Variants in SPATS2L observed in about 807,000 individuals in gnomAD.
SPATS2L encodes the protein SPATS2-like protein.
Under a neutral mutation model 59.6 loss-of-function variants are expected in SPATS2L, and 30 were observed. The observed-to-expected ratio is 0.50, with a 90% CI of 0.38 to 0.68. The LOEUF (loss-of-function observed/expected upper bound fraction) is 0.68, where lower values mean the gene tolerates loss of function less well. Among genes scored for constraint, SPATS2L ranks in the 30% least tolerant of loss-of-function variants. The pLI, the probability that SPATS2L is intolerant of heterozygous loss-of-function variation, is 0.00. For synonymous variants in SPATS2L, 252 were observed against 263.5 expected, an observed-to-expected ratio of 0.96 and a Z score of 0.42; for missense variants, 615 against 700.0, an observed-to-expected ratio of 0.88 and a Z score of 1.37.
chr2:200,417,075 G>A (rs927884668), intron 5 of SPATS2L, among the ~76,000 whole-genome samples: 1 of 152,224 alleles, frequency 6.6e-6, no homozygotes, highest in African/African-American at 2.4e-5. Flanking sequence ...AGATGCGTCT[G>A]TGCATACACA....
At chr2:200,475,435 T>C (rs1333676601) in intron 12 of SPATS2L, among the ~76,000 whole-genome samples, 3 of 152,220 alleles carry the variant, frequency 2.0e-5, no homozygotes, top group Non-Finnish European at 4.4e-5. Context: ...AAGGTGGGAC[T>C]ACTGGAGGCA....
In SPATS2L at chr2:200,457,264, G is replaced by C. The variant is rs1336843272; in HGVS notation, c.789-2505G>C. Among the ~76,000 whole-genome samples the C allele has an allele frequency of 4.6e-5, 7 of 150,650 alleles. No homozygotes were observed. The East Asian group carries it at 1.4e-3, about 30-fold the overall frequency. Reference sequence around the variant, plus strand: ...CACACACACACACACACACACAGATGCCTCTGTCATGGCTATGTTTGTGAA... The same window carrying C: ...CACACACACACACACACACACAGATCCCTCTGTCATGGCTATGTTTGTGAA... On this transcript the variant is annotated intron_variant, in intron 8 of 12. Coordinates refer to ENST00000409140, the MANE Select transcript of SPATS2L (RefSeq NM_001100423.2).
intron 3 of SPATS2L, among the ~76,000 whole-genome samples, chr2:200,406,180 G>A (rs1203768461): frequency 6.6e-6 from 1 of 152,120 alleles, no homozygotes; most frequent in Non-Finnish European, 1.5e-5. Context: ...AATAATGGTG[G>A]CAATGTCAAT....
In SPATS2L at chr2:200,481,165, A is replaced by G. The variant is rs1449278115; in HGVS notation, c.*3134A>G. 1 of 152,246 alleles carries G rather than the reference A, an allele frequency of 6.6e-6. No homozygotes were observed. The highest frequency in any genetic ancestry group is 2.4e-5 in the African/African-American group (1 of 41,454). 9.4% of individuals were successfully genotyped at this position (152,246 alleles called of 1,614,324 possible). ...CAGAAAGTTAAACGCAAATTGCTGC[A>G]AAATTCACCCTCAGTGGAGGACTAG... On this transcript the variant is annotated 3_prime_UTR_variant, in exon 13 of 13. Coordinates refer to ENST00000409140, the MANE Select transcript of SPATS2L (RefSeq NM_001100423.2).
At chr2:200,326,066 A>G (rs2079728775) in intron 1 of SPATS2L, among the ~76,000 whole-genome samples, 3 of 152,236 alleles carry the variant, frequency 2.0e-5, no homozygotes. Flanking sequence ...TAACTTATCA[A>G]AGGGCACCCA....
At chr2:200,389,508 C>T in intron 3 of SPATS2L, 1 of 439,858 alleles carries the variant, frequency 2.3e-6, no homozygotes, top group Non-Finnish European at 4.1e-6. Flanking sequence ...TGACCATAAC[C>T]CCATAAAGAA....
intron 2 of SPATS2L, among the ~76,000 whole-genome samples, chr2:200,349,876 C>T (rs1365997781): frequency 6.6e-6 from 1 of 152,188 alleles, no homozygotes; most frequent in Non-Finnish European, 1.5e-5. Flanking sequence ...ATCTAAATGT[C>T]TTCCCACTGT....
intron 2 of SPATS2L, among the ~76,000 whole-genome samples, chr2:200,340,317 T>C (rs879746397): frequency 2.0e-5 from 3 of 152,234 alleles, no homozygotes; most frequent in Non-Finnish European, 4.4e-5. Flanking sequence ...AGCAGTTTTT[T>C]CTGCAAATCC....
intron 3 of SPATS2L, among the ~76,000 whole-genome samples, chr2:200,395,293 A>G (rs2082295249): frequency 6.6e-6 from 1 of 152,262 alleles, no homozygotes; most frequent in Non-Finnish European, 1.5e-5. Flanking sequence ...AATAGAATAC[A>G]ATTCAGCAGT....
chr2:200,373,845 C>G (rs944989463), intron 2 of SPATS2L, among the ~76,000 whole-genome samples: 4 of 152,064 alleles, frequency 2.6e-5, no homozygotes, highest in Non-Finnish European at 5.9e-5. Flanking sequence ...ATCCTGTTTT[C>G]AATTCAGTAT....
At chr2:200,407,757 T>C (rs2082737291) in intron 3 of SPATS2L, among the ~76,000 whole-genome samples, 1 of 152,178 alleles carries the variant, frequency 6.6e-6, no homozygotes, top group Non-Finnish European at 1.5e-5. Flanking sequence ...CTACCCATAT[T>C]ATGCTTAATG....
At chr2:200,446,320 G>A (rs1027788373) in intron 8 of SPATS2L, among the ~76,000 whole-genome samples, 1 of 152,206 alleles carries the variant, frequency 6.6e-6, no homozygotes, top group African/African-American at 2.4e-5. Flanking sequence ...AGGTGACAGA[G>A]TGAGACCCTG....
intron 2 of SPATS2L, among the ~76,000 whole-genome samples, chr2:200,376,968 A>G (rs927573143): frequency 1.3e-5 from 2 of 152,222 alleles, no homozygotes; most frequent in African/African-American, 4.8e-5. Flanking sequence ...GGCTGGATGC[A>G]TGTTGGTAAC....
chr2:200,347,943 C>T (rs1480172300), intron 2 of SPATS2L, among the ~76,000 whole-genome samples: 1 of 152,204 alleles, frequency 6.6e-6, no homozygotes, highest in East Asian at 1.9e-4. Flanking sequence ...AGTCATATAA[C>T]TTCTCTTTCC....
intron 3 of SPATS2L, chr2:200,390,261 C>G (rs1224160175): frequency 6.6e-6 from 1 of 152,174 alleles, no homozygotes; most frequent in African/African-American, 2.4e-5. Flanking sequence ...GGTAATAGAC[C>G]CAAACACCAC....
chr2:200,423,026 C>T (rs2083380076), intron 6 of SPATS2L, among the ~76,000 whole-genome samples: 1 of 152,076 alleles, frequency 6.6e-6, no homozygotes, highest in Non-Finnish European at 1.5e-5. Flanking sequence ...GGGCAGGTAT[C>T]GTATATGGCA....
chr2:200,350,167 T>C (rs943572486), intron 2 of SPATS2L, among the ~76,000 whole-genome samples: 3 of 152,166 alleles, frequency 2.0e-5, no homozygotes, highest in African/African-American at 7.2e-5. Flanking sequence ...GGTGGGTCTG[T>C]TCCCCCTCTC....
At chr2:200,468,378 A>ACACACACACACACACACACACACACGCG (rs1187268085) in intron 10 of SPATS2L, among the ~76,000 whole-genome samples, 1 of 151,282 alleles carries the variant, frequency 6.6e-6, no homozygotes, top group South Asian at 2.1e-4. Context: ...ACACACACAC[A>ACACACACACACACACACACACACACGCG]CGCCTTCCAG....
At chr2:200,474,463 C>T (rs1359829391) in intron 12 of SPATS2L, among the ~76,000 whole-genome samples, 8 of 152,076 alleles carry the variant, frequency 5.3e-5, no homozygotes, top group African/African-American at 1.9e-4. Context: ...CGTGCCACCA[C>T]GCCTGACTAA....
Sources: allele counts gnomAD v4.1 joint callset (sites outside exome capture counted in the v4.1 genomes callset), GRCh38; gene constraint gnomAD v4.1.1; transcripts MANE v1.5; gene names NCBI Gene and HGNC (gene_info 2026-07-23, HGNC 2026-07-21).